Variants in FMN1 observed in about 807,000 individuals in gnomAD.
The protein encoded by FMN1 is formin-1.
Under a neutral mutation model 132.4 loss-of-function variants are expected in FMN1, and 110 were observed. The ratio of observed to expected loss-of-function variants is 0.83; its 90% CI spans 0.71 to 0.97. The LOEUF is 0.97. Among genes scored for constraint, FMN1 ranks in the 50% least tolerant of loss-of-function variants. The pLI, the probability that FMN1 is intolerant of heterozygous loss-of-function variation, is 0.00. For missense variants in FMN1, 1,792 were observed against 1,705.3 expected (o/e 1.05, Z -0.90); for synonymous variants, 722 against 651.7 (o/e 1.11, Z -1.64).
At chr15:32,923,544 C>T (rs570149665) in intron 10 of FMN1, among the ~76,000 whole-genome samples, 18 of 152,222 alleles carry the variant, frequency 1.2e-4, no homozygotes, top group African/African-American at 3.4e-4. Flanking sequence ...GGAAGGAAAA[C>T]GAACAATAAA....
chr15:33,188,432 C>T (rs987409296), intron 2 of FMN1, among the ~76,000 whole-genome samples: 1 of 152,050 alleles, frequency 6.6e-6, no homozygotes, highest in African/African-American at 2.4e-5. Flanking sequence ...CATGTCATAC[C>T]TTTCTATACA....
At chr15:32,995,999 T>C (rs1034754529) in intron 7 of FMN1, among the ~76,000 whole-genome samples, 2 of 152,236 alleles carry the variant, frequency 1.3e-5, no homozygotes, top group Non-Finnish European at 2.9e-5. Flanking sequence ...ACATAGCTTA[T>C]ATGGAACAAA....
At chr15:33,191,086 C>T (rs1001969733) in intron 2 of FMN1, among the ~76,000 whole-genome samples, 2 of 151,638 alleles carry the variant, frequency 1.3e-5, no homozygotes, top group Non-Finnish European at 2.9e-5. Flanking sequence ...AGGAGAATGG[C>T]GTGAACCCGG....
chr15:32,857,384 T>C (rs1250442325), intron 16 of FMN1, among the ~76,000 whole-genome samples: 1 of 152,218 alleles, frequency 6.6e-6, no homozygotes, highest in Non-Finnish European at 1.5e-5. Flanking sequence ...GTCTCTGACC[T>C]GGGATAGGTA....
chr15:33,067,908 A>G, intron 5 of FMN1: 2 of 1,583,500 alleles, frequency 1.3e-6, no homozygotes, highest in Non-Finnish European at 1.7e-6. Context: ...CCTTGGTGGA[A>G]GTTCTGACTT....
chr15:33,117,411 G>A (rs1391880655), intron 4 of FMN1, among the ~76,000 whole-genome samples: 1 of 152,084 alleles, frequency 6.6e-6, no homozygotes, highest in East Asian at 1.9e-4. Flanking sequence ...AATACACAGG[G>A]GCTGAGAGAT....
chr15:32,981,262 C>T (rs1416031414), intron 7 of FMN1, among the ~76,000 whole-genome samples: 2 of 151,796 alleles, frequency 1.3e-5, no homozygotes, highest in African/African-American at 4.8e-5. Flanking sequence ...GAGGCGGAGG[C>T]GGGTGGATCA....
intron 19 of FMN1, among the ~76,000 whole-genome samples, chr15:32,786,731 C>T (rs2056891754): frequency 6.6e-6 from 1 of 152,150 alleles, no homozygotes; most frequent in African/African-American, 2.4e-5. Flanking sequence ...TTAGGCTTAC[C>T]TGAAACATAG....
At chr15:33,085,837 T>A (rs2038668661) in intron 5 of FMN1, among the ~76,000 whole-genome samples, 1 of 152,130 alleles carries the variant, frequency 6.6e-6, no homozygotes, top group Admixed American at 6.6e-5. Flanking sequence ...CAATATCCAA[T>A]AACAGAGAAA....
Position 32,944,987 on chromosome 15 carries a change from G to C in FMN1, c.3139-18726C>G, listed in dbSNP as rs898947992. On this transcript the variant is annotated intron_variant, in intron 9 of 20. Transcript: ENST00000616417. Reference sequence around the variant, plus strand: ...GGCCCTGCGAACAGCTTTGATTTTAGACTTCTAGACTCTAGAATTATGAGA... The same window carrying C: ...GGCCCTGCGAACAGCTTTGATTTTACACTTCTAGACTCTAGAATTATGAGA... Among the ~76,000 whole-genome samples the C allele has an allele frequency of 1.4e-4, 21 of 152,122 alleles. 1 individual carries two copies. The highest frequency in any genetic ancestry group is 1.5e-5 in the Non-Finnish European group (1 of 68,008).
chr15:32,806,772 A>T (rs991809432), intron 17 of FMN1, among the ~76,000 whole-genome samples: 2 of 152,184 alleles, frequency 1.3e-5, no homozygotes, highest in African/African-American at 2.4e-5. Flanking sequence ...CACAGTCTGC[A>T]CGATGGGCTC....
chr15:32,941,907 C>T (rs1247363690), intron 9 of FMN1, among the ~76,000 whole-genome samples: 5 of 152,128 alleles, frequency 3.3e-5, no homozygotes, highest in Admixed American at 3.3e-4. Flanking sequence ...TTATCTCCGC[C>T]CTATCTAGAG....
In FMN1 at chr15:32,774,164, T is replaced by C. The variant is rs1210009108; in HGVS notation, c.*146A>G. 8.8e-6 allele frequency: 6 copies of C among 678,032 alleles called. No homozygotes were observed. The East Asian group carries it at 1.7e-4, about 19-fold the overall frequency. 42.0% of individuals were successfully genotyped at this position (678,032 alleles called of 1,614,324 possible). ...ACTTCTTAAAGAAGGCATGGGGCAC[T>C]CTCTGCAGATGACCTCAGAAAGAGA... On this transcript the variant is annotated 3_prime_UTR_variant, in exon 21 of 21. Transcript: ENST00000616417.
chr15:32,978,433 T>C (rs1266439590), intron 7 of FMN1, among the ~76,000 whole-genome samples: 1 of 152,154 alleles, frequency 6.6e-6, no homozygotes, highest in Non-Finnish European at 1.5e-5. Context: ...TGGATATATA[T>C]CCATGGAAAT....
chr15:32,830,418 T>C (rs189229872), intron 17 of FMN1, among the ~76,000 whole-genome samples: 97 of 152,334 alleles, frequency 6.4e-4, no homozygotes, highest in Non-Finnish European at 1.3e-3. Context: ...GTGGTTGAAA[T>C]AGTTTAATTT....
At chr15:32,965,353 TTGTGC>T (rs2031103681) in intron 8 of FMN1, among the ~76,000 whole-genome samples, 2 of 152,096 alleles carry the variant, frequency 1.3e-5, no homozygotes, top group African/African-American at 4.8e-5. Flanking sequence ...TGAACTGAGA[TTGTGC>T]CACTGCACTC....
chr15:33,023,874 C>G (rs2035539949), intron 6 of FMN1, among the ~76,000 whole-genome samples: 1 of 152,068 alleles, frequency 6.6e-6, no homozygotes, highest in Non-Finnish European at 1.5e-5. Flanking sequence ...GAAAAATATT[C>G]ATACTTCAAA....
Position 32,793,906 on chromosome 15 carries a change from G to A in FMN1, c.4130+4898C>T, listed in dbSNP as rs1258752. The stretch of plus-strand genomic sequence containing the variant: ...TTTATTTATGGAGCTTTTTCTAGGA[G>A]TAAGTTTATCATGTAAAGAAAAGAA... On this transcript the variant is annotated intron_variant, in intron 19 of 20. Coordinates refer to ENST00000616417, the MANE Select transcript of FMN1 (RefSeq NM_001277313.2). 2.3e-3 allele frequency among the ~76,000 whole-genome samples: 350 copies of A among 152,270 alleles called. 3 individuals are homozygous for A. Among genetic ancestry groups the A allele is most frequent in the South Asian group, 0.011 (51 of 4,816 alleles).
chr15:32,899,526 T>G (rs1417849641), intron 14 of FMN1, among the ~76,000 whole-genome samples: 1 of 152,188 alleles, frequency 6.6e-6, no homozygotes, highest in Non-Finnish European at 1.5e-5. Context: ...CAAGTGATAA[T>G]CAGGCTCAGA....
Sources: gnomAD v4.1 joint callset for allele counts (sites outside exome capture counted in the v4.1 genomes callset) on GRCh38, gnomAD v4.1.1 for gene constraint, MANE v1.5 for transcripts, NCBI Gene and HGNC (gene_info 2026-07-23, HGNC 2026-07-21) for gene names.